GCNT2: variants seen among roughly 807,000 people sequenced by gnomAD.
GCNT2 encodes the protein N-acetyllactosaminide beta-1,6-N-acetylglucosaminyl-transferase.
A neutral mutation model predicts 34.2 loss-of-function variants in GCNT2; 34 were observed. That is an observed-to-expected ratio of 1.00 (90% CI 0.76 to 1.32). GCNT2 has a LOEUF of 1.32. Ranked by LOEUF, GCNT2 falls within the 40% of genes most tolerant of loss-of-function variation. The pLI, the probability that GCNT2 is intolerant of heterozygous loss-of-function variation, is 0.00. For missense variants in GCNT2, 584 were observed against 489.4 expected, an observed-to-expected ratio of 1.19 and a Z score of -1.82; for synonymous variants, 212 against 188.0, an observed-to-expected ratio of 1.13 and a Z score of -1.04.
intron 4 of GCNT2, among the ~76,000 whole-genome samples, chr6:10,625,781 C>T (rs545524513): frequency 6.6e-5 from 10 of 152,136 alleles, no homozygotes; most frequent in Admixed American, 4.6e-4. Context: ...CAGACAGTAC[C>T]GAACTCTAAA....
chr6:10,562,664 A>C (rs1349080216), intron 3 of GCNT2, among the ~76,000 whole-genome samples: 1 of 151,136 alleles, frequency 6.6e-6, no homozygotes, highest in African/African-American at 2.4e-5. Context: ...CTGAAAAAAA[A>C]AAAAAAAAAA....
Position 10,538,300 on chromosome 6 carries a change from C to T in GCNT2, c.925+8464C>T, listed in dbSNP as rs564855191. On this transcript the variant is annotated intron_variant, in intron 3 of 4. Transcript: ENST00000495262. ...GTGCACGCCTGTAATCCCAGCTACT[C>T]GGGAGGCTGAGGCAGGAGAATCGCT... Among the ~76,000 whole-genome samples the T allele has an allele frequency of 5.8e-4, 85 of 147,164 alleles. 3 individuals are homozygous for T. In the South Asian group the frequency reaches 0.017, roughly 30 times the overall value.
chr6:10,553,837 T>C (rs918873261), intron 3 of GCNT2, among the ~76,000 whole-genome samples: 1 of 152,198 alleles, frequency 6.6e-6, no homozygotes, highest in Non-Finnish European at 1.5e-5. Context: ...AAGGCCGCAG[T>C]GAGACATGAT....
intron 3 of GCNT2, among the ~76,000 whole-genome samples, chr6:10,546,166 A>G (rs1762254749): frequency 6.6e-6 from 1 of 152,150 alleles, no homozygotes; most frequent in African/African-American, 2.4e-5. Flanking sequence ...TCAGCAGCAT[A>G]TACGGCAGGC....
intron 3 of GCNT2, among the ~76,000 whole-genome samples, chr6:10,569,816 T>C (rs1176498597): frequency 6.8e-6 from 1 of 146,706 alleles, no homozygotes. Context: ...TCTGAGCTCA[T>C]ATGGATTTCT....
chr6:10,527,168 A>C (rs1761231037), intron 1 of GCNT2, among the ~76,000 whole-genome samples: 1 of 152,134 alleles, frequency 6.6e-6, no homozygotes, highest in South Asian at 2.1e-4. Flanking sequence ...TCGCGCCTGT[A>C]ATCCCAGCAC....
intron 3 of GCNT2, among the ~76,000 whole-genome samples, chr6:10,582,252 TA>T (rs1438663496): frequency 3.3e-5 from 4 of 120,452 alleles, no homozygotes; most frequent in South Asian, 4.6e-4. Flanking sequence ...AAAATATATA[TA>T]ATATATACTA....
At chr6:10,620,685 C>T (rs1005995887) in intron 3 of GCNT2, among the ~76,000 whole-genome samples, 1 of 152,150 alleles carries the variant, frequency 6.6e-6, no homozygotes, top group African/African-American at 2.4e-5. Flanking sequence ...CTGGCAACTT[C>T]TTCTCTAGTA....
intron 3 of GCNT2, among the ~76,000 whole-genome samples, chr6:10,607,638 G>A (rs1765381351): frequency 6.6e-6 from 1 of 152,118 alleles, no homozygotes. Flanking sequence ...TAATAGCTCT[G>A]TAGAGTGCTA....
At chr6:10,524,790 T>C (rs2113479786) in intron 1 of GCNT2, among the ~76,000 whole-genome samples, 1 of 151,762 alleles carries the variant, frequency 6.6e-6, no homozygotes, top group African/African-American at 2.4e-5. Context: ...GATTGTGCCG[T>C]TGCACTCCAG....
At chr6:10,529,993 GAGA>G in intron 3 of GCNT2, 157 bp downstream of exon 3, 2 of 659,858 alleles carry the variant, frequency 3.0e-6, no homozygotes, top group East Asian at 5.5e-5. Context: ...TGGTAAAATG[GAGA>G]TGTGTTATAT....
intron 3 of GCNT2, among the ~76,000 whole-genome samples, chr6:10,578,117 G>T (rs937015073): frequency 1.3e-5 from 2 of 151,984 alleles, no homozygotes; most frequent in African/African-American, 4.8e-5. Context: ...CTGGCCAGGC[G>T]CATTGGCTCA....
chr6:10,598,259 C>G (rs1014658796), intron 3 of GCNT2, among the ~76,000 whole-genome samples: 1 of 152,200 alleles, frequency 6.6e-6, no homozygotes, highest in Non-Finnish European at 1.5e-5. Flanking sequence ...GGTGACTTAT[C>G]TGTAAATTGA....
chr6:10,537,439 G>A (rs148459765), intron 3 of GCNT2, among the ~76,000 whole-genome samples: 1 of 152,044 alleles, frequency 6.6e-6, no homozygotes, highest in African/African-American at 2.4e-5. Flanking sequence ...GGTGGCTAAC[G>A]CCTGTAATCC....
At chr6:10,601,943 G>GAAAAAAAAAAA (rs57927445) in intron 3 of GCNT2, among the ~76,000 whole-genome samples, 9 of 113,036 alleles carry the variant, frequency 8.0e-5, no homozygotes, top group Admixed American at 1.8e-4. Context: ...TCCATCTCAA[G>GAAAAAAAAAAA]AAAAAAAAAA....
chr6:10,538,236 C>T (rs1203360826), intron 3 of GCNT2, among the ~76,000 whole-genome samples: 8 of 151,032 alleles, frequency 5.3e-5, no homozygotes, highest in South Asian at 2.1e-4. Flanking sequence ...GATGAAACCC[C>T]GTCTCTACTA....
chr6:10,542,409 C>G (rs1351258832), intron 3 of GCNT2, among the ~76,000 whole-genome samples: 2 of 140,516 alleles, frequency 1.4e-5, no homozygotes, highest in Non-Finnish European at 3.0e-5. Flanking sequence ...TAAAACTCAC[C>G]CACTTTTGTG....
chr6:10,546,817 T>G (rs115767008), intron 3 of GCNT2, among the ~76,000 whole-genome samples: 3,363 of 152,262 alleles, frequency 0.022, 54 homozygotes, highest in Non-Finnish European at 0.032. Context: ...CACAAAAGAT[T>G]AAGAAAAATA....
intron 3 of GCNT2, among the ~76,000 whole-genome samples, chr6:10,609,126 G>T (rs984160668): frequency 6.6e-6 from 1 of 152,212 alleles, no homozygotes; most frequent in Non-Finnish European, 1.5e-5. Context: ...CCAGTCTGCT[G>T]TTTGTAGTCT....
Sources: allele counts gnomAD v4.1 joint callset (sites outside exome capture counted in the v4.1 genomes callset), GRCh38; gene constraint gnomAD v4.1.1; transcripts MANE v1.5; gene names NCBI Gene and HGNC (gene_info 2026-07-23, HGNC 2026-07-21).